Variants in DOCK3 observed in about 807,000 individuals in gnomAD.
DOCK3 encodes the protein dedicator of cytokinesis 3.
Under a neutral mutation model 265.6 loss-of-function variants are expected in DOCK3, and 60 were observed. The ratio of observed to expected loss-of-function variants is 0.23; its 90% confidence interval spans 0.18 to 0.28. The LOEUF (loss-of-function observed/expected upper bound fraction) is 0.28. Ranked by LOEUF, DOCK3 falls within the 10% of genes least tolerant of loss-of-function variation. DOCK3 has a pLI of 1.00. For synonymous variants in DOCK3, 881 were observed against 938.0 expected, an observed-to-expected ratio of 0.94 and a Z score of 1.11; for missense variants, 1,981 against 2,594.3, an observed-to-expected ratio of 0.76 and a Z score of 5.14.
At chr3:51,330,073 G>A in intron 32 of DOCK3, 65 bp from the exon 33 acceptor site, 1 of 1,493,696 alleles carries the variant, frequency 6.7e-7, no homozygotes, top group Non-Finnish European at 9.1e-7. Context: ...CCCACCACAG[G>A]AACTGGATTT....
At chr3:50,979,754 A>G (rs1047527431) in intron 5 of DOCK3, among the ~76,000 whole-genome samples, 4 of 152,186 alleles carry the variant, frequency 2.6e-5, no homozygotes, top group Non-Finnish European at 5.9e-5. Flanking sequence ...TTCTTCAGCT[A>G]GTTTCTTTTT....
At chr3:50,850,359 C>CAAA (rs774057419) in intron 3 of DOCK3, among the ~76,000 whole-genome samples, 5 of 123,608 alleles carry the variant, frequency 4.0e-5, no homozygotes, top group Admixed American at 3.9e-4. Flanking sequence ...GACTCCATCT[C>CAAA]AAAAAAAAAA....
intron 7 of DOCK3, among the ~76,000 whole-genome samples, chr3:51,076,792 G>A (rs2109389337): frequency 6.6e-6 from 1 of 152,212 alleles, no homozygotes; most frequent in South Asian, 2.1e-4. Context: ...CCTGGGAGTA[G>A]GAAAAGAGAA....
intron 1 of DOCK3, among the ~76,000 whole-genome samples, chr3:50,691,405 T>G (rs1234060389): frequency 6.6e-6 from 1 of 152,200 alleles, no homozygotes; most frequent in Non-Finnish European, 1.5e-5. Context: ...TCGTTCCTTC[T>G]TATGTCTGAA....
At chr3:51,045,581 G>A (rs1041048328) in intron 5 of DOCK3, among the ~76,000 whole-genome samples, 11 of 152,148 alleles carry the variant, frequency 7.2e-5, no homozygotes, top group Admixed American at 2.0e-4. Flanking sequence ...TGTAAAAACC[G>A]TAATATCTGT....
At chr3:51,253,157 G>C (rs1415343500) in intron 22 of DOCK3, among the ~76,000 whole-genome samples, 2 of 152,186 alleles carry the variant, frequency 1.3e-5, no homozygotes, top group African/African-American at 4.8e-5. Context: ...TTTATATAAT[G>C]GATTATGTTT....
chr3:50,806,673 G>A (rs2043436443), intron 2 of DOCK3, among the ~76,000 whole-genome samples: 2 of 152,108 alleles, frequency 1.3e-5, no homozygotes, highest in East Asian at 1.9e-4. Context: ...CAAGCTTTGT[G>A]CATCTGGGGT....
At chr3:51,089,171 C>A in intron 7 of DOCK3, 72 bp from the exon 8 acceptor site, 1 of 1,483,606 alleles carries the variant, frequency 6.7e-7, no homozygotes, top group Non-Finnish European at 9.2e-7. Context: ...GACTGCCCAG[C>A]ATATAGAAAG....
chr3:50,970,902 TATA>T (rs2077190683), intron 5 of DOCK3, among the ~76,000 whole-genome samples: 1 of 38,386 alleles, frequency 2.6e-5, no homozygotes, highest in African/African-American at 1.1e-4. Flanking sequence ...TATATATATA[TATA>T]TATATATATA....
At chr3:51,283,227 A>T (rs929525422) in intron 27 of DOCK3, among the ~76,000 whole-genome samples, 2 of 152,228 alleles carry the variant, frequency 1.3e-5, no homozygotes, top group African/African-American at 4.8e-5. Flanking sequence ...AAAAGCTGAG[A>T]GGCACACTCA....
intron 1 of DOCK3, among the ~76,000 whole-genome samples, chr3:50,757,840 T>C (rs931719341): frequency 6.6e-6 from 1 of 152,108 alleles, no homozygotes; most frequent in Admixed American, 6.5e-5. Flanking sequence ...ATTGAAAAGA[T>C]GATTCTTTCT....
chr3:51,298,581 C>T (rs530242430), intron 27 of DOCK3, among the ~76,000 whole-genome samples: 16 of 152,094 alleles, frequency 1.1e-4, no homozygotes, highest in African/African-American at 2.7e-4. Context: ...CAATCCCCAA[C>T]GCCCCAGTCT....
At chr3:50,865,407 T>C (rs943012818) in intron 3 of DOCK3, among the ~76,000 whole-genome samples, 4 of 152,228 alleles carry the variant, frequency 2.6e-5, no homozygotes, top group African/African-American at 9.6e-5. Context: ...GTGATGTTTG[T>C]CTTTCTGTGC....
chr3:50,685,751 T>C, intron 1 of DOCK3: 1 of 223,766 alleles, frequency 4.5e-6, no homozygotes, highest in Non-Finnish European at 1.0e-5. Context: ...TGGAACTTTG[T>C]CTGCAAACAG....
intron 1 of DOCK3, among the ~76,000 whole-genome samples, chr3:50,772,348 A>C (rs1049837106): frequency 1.3e-5 from 2 of 152,196 alleles, no homozygotes; most frequent in African/African-American, 4.8e-5. Context: ...AATAGGTACA[A>C]AAAATAGTTA....
intron 10 of DOCK3, among the ~76,000 whole-genome samples, chr3:51,156,449 C>T (rs1391352418): frequency 6.6e-6 from 1 of 152,044 alleles, no homozygotes; most frequent in Admixed American, 6.6e-5. Flanking sequence ...CTTTCTTTTA[C>T]AGGTCATGTG....
intron 12 of DOCK3, among the ~76,000 whole-genome samples, chr3:51,207,741 G>A (rs1373473513): frequency 6.6e-6 from 1 of 152,158 alleles, no homozygotes; most frequent in Non-Finnish European, 1.5e-5. Context: ...CCTCCTGGAA[G>A]TGGCCATGCT....
chr3:50,703,014 C>G (rs1209423530), intron 1 of DOCK3, among the ~76,000 whole-genome samples: 1 of 152,058 alleles, frequency 6.6e-6, no homozygotes, highest in African/African-American at 2.4e-5. Context: ...GAGTTTTATT[C>G]CTTCTATGCC....
chr3:50,759,450 A>G (rs916525580), intron 1 of DOCK3, among the ~76,000 whole-genome samples: 5 of 152,020 alleles, frequency 3.3e-5, no homozygotes, highest in Admixed American at 2.0e-4. Context: ...CATTTCCCTA[A>G]TGATTAGGGA....
Sources: gnomAD v4.1 joint callset for allele counts (sites outside exome capture counted in the v4.1 genomes callset) on GRCh38, gnomAD v4.1.1 for gene constraint, MANE v1.5 for transcripts, NCBI Gene and HGNC (gene_info 2026-07-23, HGNC 2026-07-21) for gene names.